The following SV2C variants were observed in gnomAD, a reference collection of about 807,000 sequenced individuals.
The protein encoded by SV2C is synaptic vesicle glycoprotein 2C.
A neutral mutation model predicts 79.7 loss-of-function variants in SV2C; 49 were observed. The observed-to-expected ratio is 0.61, with a 90% CI of 0.49 to 0.78. The LOEUF (loss-of-function observed/expected upper bound fraction) is 0.78. Ranked by LOEUF, SV2C falls within the 30% of genes least tolerant of loss-of-function variation. The pLI, the probability that SV2C is intolerant of heterozygous loss-of-function variation, is 0.00. For missense variants in SV2C, 833 were observed against 912.9 expected, an observed-to-expected ratio of 0.91 and a Z score of 1.13; for synonymous variants, 334 against 333.2, an observed-to-expected ratio of 1.00 and a Z score of -0.03.
intron 4 of SV2C, among the ~76,000 whole-genome samples, chr5:76,226,667 G>A (rs1321589758): frequency 6.6e-6 from 1 of 152,156 alleles, no homozygotes; most frequent in South Asian, 2.1e-4. Context: ...TTAAATGTTG[G>A]CAGCTAATTC....
the SV2C span, among the ~76,000 whole-genome samples, chr5:76,056,899 T>C: frequency 6.6e-6 from 1 of 152,074 alleles, no homozygotes; most frequent in South Asian, 2.1e-4. Flanking sequence ...CTTCTCTCTT[T>C]ATTAGTCTAG....
chr5:76,180,677 A>G (rs1302137961), intron 2 of SV2C, among the ~76,000 whole-genome samples: 3 of 151,962 alleles, frequency 2.0e-5, no homozygotes, highest in Non-Finnish European at 2.9e-5. Context: ...TGCCTTCGTC[A>G]TTCCTCCTGG....
the SV2C span, chr5:75,910,815 C>A: frequency 2.3e-6 from 3 of 1,318,404 alleles, no homozygotes; most frequent in African/African-American, 4.3e-5. Flanking sequence ...CAAAACATTT[C>A]CAATTTGAGG....
chr5:75,883,858 A>C, the SV2C span, among the ~76,000 whole-genome samples: 5 of 151,798 alleles, frequency 3.3e-5, no homozygotes, highest in Admixed American at 6.6e-5. Context: ...AAAAAAACAA[A>C]AAAAAAACAT....
the SV2C span, among the ~76,000 whole-genome samples, chr5:76,033,732 C>G: frequency 6.6e-6 from 1 of 152,100 alleles, no homozygotes; most frequent in Non-Finnish European, 1.5e-5. Context: ...GCAATGAGGG[C>G]TCTTTTTTGG....
chr5:76,055,246 T>A, the SV2C span, among the ~76,000 whole-genome samples: 2 of 152,238 alleles, frequency 1.3e-5, no homozygotes, highest in African/African-American at 4.8e-5. Context: ...CACCATTTAT[T>A]AAATAGGGAA....
At chr5:75,959,876 A>T in the SV2C span, among the ~76,000 whole-genome samples, 1 of 152,142 alleles carries the variant, frequency 6.6e-6, no homozygotes, top group South Asian at 2.1e-4. Flanking sequence ...GTATACTAAA[A>T]ATCAATATTC....
intron 2 of SV2C, among the ~76,000 whole-genome samples, chr5:76,163,060 C>T (rs4574526): frequency 0.7 from 105,712 of 152,056 alleles, 38,011 homozygotes; most frequent in East Asian, 0.97. Flanking sequence ...CACCTCCAAA[C>T]AGGTATAAAA....
At chr5:76,048,087 TATC>T in the SV2C span, among the ~76,000 whole-genome samples, 2 of 152,230 alleles carry the variant, frequency 1.3e-5, no homozygotes, top group African/African-American at 4.8e-5. Context: ...TACTTCAAAA[TATC>T]ATGTTATACA....
the SV2C span, among the ~76,000 whole-genome samples, chr5:76,074,471 A>G: frequency 1.7e-3 from 263 of 152,308 alleles, 7 homozygotes; most frequent in East Asian, 0.049. Flanking sequence ...CAACATAGAG[A>G]GATTCAGTTA....
chr5:76,201,757 G>A (rs1347840504), intron 3 of SV2C, among the ~76,000 whole-genome samples: 3 of 152,132 alleles, frequency 2.0e-5, no homozygotes, highest in Admixed American at 6.5e-5. Context: ...GGTGGCTCAT[G>A]CCTGTAATCC....
the SV2C span, chr5:75,911,502 T>C: frequency 2.7e-6 from 2 of 745,424 alleles, no homozygotes; most frequent in Admixed American, 4.8e-5. Flanking sequence ...CTGGAGGGGG[T>C]TCAACCACTG....
rs1194599702 is a variant in SV2C at position 76,326,177 on chromosome 5, A to T, written c.*630A>T. 6.6e-6 allele frequency: 1 copy of T among 152,224 alleles called. No homozygotes were observed. The highest frequency in any genetic ancestry group is 1.9e-4 in the East Asian group (1 of 5,194). The allele number at this position is 152,224 out of a possible 1,614,324, so 9.4% of individuals were successfully genotyped here. A position where few individuals can be genotyped will look rare whatever the true frequency, so the allele number is the denominator to read the frequency against. ...CTCTGCAATTAGCAGCAAAAATCTG[A>T]GTGTGCTGCATAAGCAAGATTTCTG... is the stretch of plus-strand genomic sequence containing the variant. On this transcript the variant is annotated 3_prime_UTR_variant, in exon 13 of 13. Coordinates refer to ENST00000502798, the MANE Select transcript of SV2C (RefSeq NM_014979.4).
At chr5:76,011,342 T>A in the SV2C span, among the ~76,000 whole-genome samples, 8 of 152,258 alleles carry the variant, frequency 5.3e-5, no homozygotes, top group Middle Eastern at 3.4e-3. Context: ...ATAACTAGTA[T>A]AATAGCTAGT....
the SV2C span, among the ~76,000 whole-genome samples, chr5:75,943,516 C>G: frequency 6.6e-6 from 1 of 152,062 alleles, no homozygotes; most frequent in African/African-American, 2.4e-5. Context: ...TCTTTGATTT[C>G]TCTATCCTGT....
the SV2C span, among the ~76,000 whole-genome samples, chr5:75,974,428 C>G: frequency 6.6e-6 from 1 of 152,012 alleles, no homozygotes; most frequent in African/African-American, 2.4e-5. Context: ...TTCATTTTCC[C>G]TTCAAAGATA....
At chr5:76,064,131 T>C in the SV2C span, among the ~76,000 whole-genome samples, 1 of 152,156 alleles carries the variant, frequency 6.6e-6, no homozygotes, top group Non-Finnish European at 1.5e-5. Context: ...GGGTATTTCA[T>C]AATAAGCCCT....
chr5:76,015,951 A>G, the SV2C span, among the ~76,000 whole-genome samples: 1 of 152,102 alleles, frequency 6.6e-6, no homozygotes, highest in South Asian at 2.1e-4. Flanking sequence ...AATGGAAAGA[A>G]CATGGGTTTT....
intron 11 of SV2C, 125 bp downstream of exon 11, chr5:76,301,057 G>A (rs961420601): frequency 3.1e-5 from 33 of 1,063,090 alleles, no homozygotes; most frequent in East Asian, 1.9e-4. Context: ...TAGACCTTAC[G>A]TTGGGACTAA....
Sources: gnomAD v4.1 joint callset for allele counts (sites outside exome capture counted in the v4.1 genomes callset) on GRCh38, gnomAD v4.1.1 for gene constraint, MANE v1.5 for transcripts, NCBI Gene and HGNC (gene_info 2026-07-23, HGNC 2026-07-21) for gene names.